Variants in ASTN1 observed in about 807,000 individuals in gnomAD.
The protein encoded by ASTN1 is astrotactin 1, also known as astrotactin-1.
ASTN1 carries 41 observed loss-of-function variants against 140.7 expected under a neutral mutation model. That is an observed-to-expected ratio of 0.29 (90% CI 0.23 to 0.38). ASTN1 has a LOEUF of 0.38. Ranked by LOEUF, ASTN1 falls within the 10% of genes least tolerant of loss-of-function variation. The pLI, the probability that ASTN1 is intolerant of heterozygous loss-of-function variation, is 1.00. For missense variants in ASTN1, 1,479 were observed against 1,678.8 expected (o/e 0.88, Z 2.08); for synonymous variants, 640 against 652.2 (o/e 0.98, Z 0.29).
At chr1:177,151,702 A>G (rs1196285310) in intron 1 of ASTN1, among the ~76,000 whole-genome samples, 1 of 152,188 alleles carries the variant, frequency 6.6e-6, no homozygotes, top group Admixed American at 6.5e-5. Flanking sequence ...TCCAGAAAAG[A>G]AAAAGTTCAT....
At chr1:176,916,249 A>G (rs1182260297) in intron 16 of ASTN1, among the ~76,000 whole-genome samples, 1 of 152,162 alleles carries the variant, frequency 6.6e-6, no homozygotes, top group African/African-American at 2.4e-5. Context: ...GATGCAGATG[A>G]GTATGTAGGT....
At chr1:176,905,972 G>A (rs1029768355) in intron 16 of ASTN1, among the ~76,000 whole-genome samples, 1 of 152,266 alleles carries the variant, frequency 6.6e-6, no homozygotes, top group African/African-American at 2.4e-5. Flanking sequence ...ACAAAAGGAA[G>A]AGACCAGTGA....
Position 177,111,947 on chromosome 1 carries a change from G to C in ASTN1, c.284-50682C>G, listed in dbSNP as rs553074657. ...CTGGGGAGAAGGATGGCAGCTTAGA[G>C]GTGTTTGGTGCAAAGTTGTTCTGTA... On this transcript the variant is annotated intron_variant, in intron 1 of 22. Coordinates refer to ENST00000361833, the MANE Select transcript of ASTN1 (RefSeq NM_004319.3). Among the ~76,000 whole-genome samples the C allele has an allele frequency of 4.6e-5, 7 of 152,290 alleles. No homozygotes were observed. In the East Asian group the frequency reaches 1.4e-3, roughly 30 times the overall value.
At chr1:177,066,076 A>C (rs1301351601) in intron 1 of ASTN1, among the ~76,000 whole-genome samples, 4 of 152,206 alleles carry the variant, frequency 2.6e-5, no homozygotes, top group African/African-American at 9.6e-5. Flanking sequence ...CTAAGTCCAC[A>C]AGGGTGTGAC....
chr1:177,016,313 TAA>T (rs35104433), intron 7 of ASTN1, among the ~76,000 whole-genome samples: 216 of 127,066 alleles, frequency 1.7e-3, no homozygotes, highest in African/African-American at 4.0e-3. Context: ...TCTTCATTTG[TAA>T]AAAAAAAAAA....
At chr1:177,004,375 C>G (rs228016) in intron 8 of ASTN1, among the ~76,000 whole-genome samples, 8,031 of 152,184 alleles carry the variant, frequency 0.053, 657 homozygotes, top group African/African-American at 0.17. Flanking sequence ...GAACCAATAT[C>G]ATGAAAATGA....
chr1:176,956,502 T>G (rs1180108581), intron 11 of ASTN1, among the ~76,000 whole-genome samples: 1 of 152,114 alleles, frequency 6.6e-6, no homozygotes, highest in Non-Finnish European at 1.5e-5. Flanking sequence ...CTCTGGGTCC[T>G]CTCACAAAGC....
chr1:177,075,720 C>T (rs1264576652), intron 1 of ASTN1, among the ~76,000 whole-genome samples: 1 of 142,564 alleles, frequency 7.0e-6, no homozygotes, highest in Non-Finnish European at 1.5e-5. Flanking sequence ...ATTCATAGCT[C>T]ATTGCAGCCT....
At chr1:176,859,371 C>T (rs1191735633), downstream of ASTN1, among the ~76,000 whole-genome samples, 1 of 152,166 alleles carries the variant, frequency 6.6e-6, no homozygotes, top group Non-Finnish European at 1.5e-5. Flanking sequence ...GTAGCCCAGC[C>T]TCCATAAGTT....
chr1:177,024,875 G>T, intron 5 of ASTN1, 143 bp from the exon 6 acceptor site: 1 of 877,646 alleles, frequency 1.1e-6, no homozygotes, highest in Non-Finnish European at 1.7e-6. Context: ...CTGGCTGCAT[G>T]ACCTCAGTGA....
rs528439483 is a variant in ASTN1, at chr1:177,137,895, A to T, written c.283+26499T>A. On this transcript the variant is annotated intron_variant, in intron 1 of 22. Transcript: ENST00000361833. ...ATTGGAAAACATAAAACATGCATTT[A>T]TGGGTCTTAGAATAGAAAATGATGA... Among the ~76,000 whole-genome samples the T allele has an allele frequency of 4.4e-3, 677 of 152,316 alleles. 9 individuals carry two copies. Among genetic ancestry groups the T allele is most frequent in the African/African-American group, 0.016 (652 of 41,568 alleles).
chr1:176,934,515 C>G (rs1454578825), intron 15 of ASTN1, among the ~76,000 whole-genome samples, 175 bp from the exon 16 acceptor site: 2 of 152,042 alleles, frequency 1.3e-5, no homozygotes, highest in African/African-American at 4.8e-5. Flanking sequence ...CATTTCAGTT[C>G]CTAAGTGAGT....
chr1:176,996,429 C>T (rs496784), intron 8 of ASTN1, among the ~76,000 whole-genome samples: 4,145 of 152,114 alleles, frequency 0.027, 177 homozygotes, highest in African/African-American at 0.091. Flanking sequence ...TCTTTCCCTT[C>T]CCAACCCCCA....
intron 16 of ASTN1, among the ~76,000 whole-genome samples, chr1:176,921,399 G>A (rs543065234): frequency 1.3e-5 from 2 of 152,232 alleles, no homozygotes; most frequent in Admixed American, 6.5e-5. Flanking sequence ...TGTTGGTTTA[G>A]GTCAAAGTAT....
chr1:177,067,816 A>G (rs1294831173), intron 1 of ASTN1, among the ~76,000 whole-genome samples: 1 of 152,130 alleles, frequency 6.6e-6, no homozygotes, highest in Non-Finnish European at 1.5e-5. Flanking sequence ...ACAGATGAAA[A>G]ACAGACAAAG....
chr1:176,953,159 A>C (rs1232398748), intron 11 of ASTN1, among the ~76,000 whole-genome samples: 1 of 152,064 alleles, frequency 6.6e-6, no homozygotes, highest in East Asian at 1.9e-4. Context: ...CTCTTTTCCT[A>C]CCAGTGATTT....
intron 14 of ASTN1, among the ~76,000 whole-genome samples, chr1:176,940,252 A>G (rs911774230): frequency 1.3e-5 from 2 of 152,198 alleles, no homozygotes; most frequent in African/African-American, 4.8e-5. Context: ...CCCATTATCT[A>G]GAGTAACCAG....
chr1:177,039,578 G>A (rs565759503), intron 2 of ASTN1, among the ~76,000 whole-genome samples: 8 of 152,222 alleles, frequency 5.3e-5, no homozygotes, highest in South Asian at 4.1e-4. Context: ...GTGATACTAC[G>A]GAGCCTACTG....
chr1:176,890,007 C>A (rs557408688), intron 17 of ASTN1, among the ~76,000 whole-genome samples: 1 of 152,200 alleles, frequency 6.6e-6, no homozygotes, highest in African/African-American at 2.4e-5. Flanking sequence ...AGAATAAAGG[C>A]AACATTGTGA....
Sources: gnomAD v4.1 joint callset for allele counts (sites outside exome capture counted in the v4.1 genomes callset) on GRCh38, gnomAD v4.1.1 for gene constraint, MANE v1.5 for transcripts, NCBI Gene and HGNC (gene_info 2026-07-23, HGNC 2026-07-21) for gene names.